Variants in FBN1 observed in about 807,000 individuals in gnomAD.
FBN1 encodes the protein fibrillin 1, also known as fibrillin-1.
FBN1 carries 29 observed loss-of-function variants against 365.1 expected under a neutral mutation model. The ratio of observed to expected loss-of-function variants is 0.08; its 90% confidence interval spans 0.06 to 0.11. The LOEUF is 0.11. FBN1 is among the 10% of genes least tolerant of loss of function. The pLI is 1.00. For synonymous variants in FBN1, 1,210 were observed against 1,270.5 expected, an observed-to-expected ratio of 0.95 and a Z score of 1.01; for missense variants, 2,476 against 3,703.2, an observed-to-expected ratio of 0.67 and a Z score of 8.60.
At chr15:48,631,056 C>T (rs941297773) in intron 2 of FBN1, among the ~76,000 whole-genome samples, 3 of 152,042 alleles carry the variant, frequency 2.0e-5, no homozygotes, top group Non-Finnish European at 4.4e-5. Flanking sequence ...AGGAACTCTA[C>T]GAAAGCTATG....
chr15:48,450,245 A>G (rs1352687436), intron 45 of FBN1, among the ~76,000 whole-genome samples: 1 of 152,150 alleles, frequency 6.6e-6, no homozygotes, highest in East Asian at 1.9e-4. Context: ...GTAGGACTGG[A>G]CCTGGAGGTA....
Position 48,436,543 on chromosome 15 carries a change from G to C in FBN1, c.6496+418C>G, listed in dbSNP as rs558219337. ...GTTACAAAAAAAAGATTGTGTACTG[G>C]TTATATAGCCTTTCATCTTACTAAA... On this transcript the variant is annotated intron_variant, in intron 53 of 65. Coordinates refer to ENST00000316623, the MANE Select transcript of FBN1 (RefSeq NM_000138.5). Among the ~76,000 whole-genome samples the C allele has an allele frequency of 1.4e-4, 21 of 152,248 alleles. No homozygotes were observed. In the South Asian group the frequency reaches 2.1e-3, roughly 15 times the overall value.
In FBN1 at chr15:48,481,656, T is replaced by G; in HGVS notation, c.3963A>C (p.Thr1321=). ...ATTGTTCTACTTGAACAAACACACCTGTACAGCCAGTTTTTCCTTTTTTGC... is the reference window on the plus strand; with the variant it reads ...ATTGTTCTACTTGAACAAACACACCGGTACAGCCAGTTTTTCCTTTTTTGC... ...YSGKKGKTGC[T]DINECEIGAH... The change falls in exon 32 of 66, where the codon ACA becomes ACC. Residue 1321 remains threonine (T), a splice_region_variant and synonymous_variant. Transcript: ENST00000316623. The G allele has an allele frequency of 1.9e-6, 3 of 1,613,734 alleles. No homozygotes were observed. The highest frequency in any genetic ancestry group is 2.5e-6 in the Non-Finnish European group (3 of 1,179,690).
chr15:48,592,623 C>T (rs1419707743), intron 6 of FBN1, among the ~76,000 whole-genome samples: 1 of 151,736 alleles, frequency 6.6e-6, no homozygotes, highest in East Asian at 1.9e-4. Flanking sequence ...GAGTAGGAGG[C>T]AACAAGAAAA....
Position 48,425,838 on chromosome 15 carries a change from C to G in FBN1, c.7231G>C (p.Asp2411His). The G allele has an allele frequency of 6.2e-7, 1 of 1,611,238 alleles. No homozygotes were observed. Among genetic ancestry groups the G allele is most frequent in the South Asian group, 1.1e-5 (1 of 91,004 alleles). ...ADIDECKVIH[D>H]VCRNGECVND... ...ACACATTCCCCATTTCGGCAAACAT[C>G]GTGAATAACCTTGCATTCATCGATA... The change falls in exon 59 of 66, where the codon GAT becomes CAT. Residue 2411 changes from aspartate (D) to histidine (H), a missense_variant. Transcript: ENST00000316623.
chr15:48,440,112 T>C (rs936026480), intron 50 of FBN1, among the ~76,000 whole-genome samples: 1 of 152,208 alleles, frequency 6.6e-6, no homozygotes, highest in Non-Finnish European at 1.5e-5. Flanking sequence ...AAGGGTGTCT[T>C]GCATTGGGGA....
chr15:48,533,060 T>G (rs1278304331), intron 8 of FBN1, among the ~76,000 whole-genome samples: 1 of 152,188 alleles, frequency 6.6e-6, no homozygotes, highest in African/African-American at 2.4e-5. Flanking sequence ...CACCTTAAAT[T>G]TAAAGCTGTC....
chr15:48,531,633 C>G (rs2043974040), intron 8 of FBN1, among the ~76,000 whole-genome samples: 1 of 152,106 alleles, frequency 6.6e-6, no homozygotes, highest in African/African-American at 2.4e-5. Flanking sequence ...CCTCTATTGG[C>G]CATCTAGACA....
intron 5 of FBN1, among the ~76,000 whole-genome samples, chr15:48,599,247 A>G (rs934615962): frequency 1.3e-5 from 2 of 152,200 alleles, no homozygotes; most frequent in Non-Finnish European, 2.9e-5. Flanking sequence ...AACGCCCTGA[A>G]TAACGCCCAC....
intron 53 of FBN1, among the ~76,000 whole-genome samples, chr15:48,436,750 C>T (rs1404913703): frequency 6.6e-6 from 1 of 152,140 alleles, no homozygotes; most frequent in Admixed American, 6.5e-5. Context: ...AGGAACTTGT[C>T]TTTGTGGTTC....
rs2043337721 is a variant in FBN1, at chr15:48,468,056, G to A, written c.4629C>T (p.Asp1543=). The change falls in exon 38 of 66, where the codon GAC becomes GAT. Residue 1543 remains aspartate (D), a synonymous_variant. Transcript: ENST00000316623. ...CATTGCTGCAGGCTGTATCTCCATT[G>A]TCTCCTCGAGGTCGAATATCCAAAT... ...NCYLDIRPRG[D]NGDTACSNEI... is the part of the protein sequence containing the mutation. The A allele has an allele frequency of 1.9e-6, 3 of 1,614,118 alleles. No individual in the cohort carries two copies. The highest frequency in any genetic ancestry group is 2.2e-5 in the East Asian group (1 of 44,866).
At chr15:48,537,933 C>T in intron 6 of FBN1, 125 bp from the exon 7 acceptor site, 1 of 966,506 alleles carries the variant, frequency 1.0e-6, no homozygotes, top group Non-Finnish European at 1.6e-6. Context: ...CAGAATCATG[C>T]ATCACTGTCC....
At chr15:48,499,074 G>T (rs748220146) in intron 17 of FBN1, 36 bp from the exon 18 acceptor site, 4 of 1,607,434 alleles carry the variant, frequency 2.5e-6, no homozygotes, top group Non-Finnish European at 3.4e-6. Context: ...TGATTCCCTT[G>T]TTTGCAGAAC....
rs1597620638 is a variant in FBN1 at position 48,589,970 on chromosome 15, T to C, written c.538+6313A>G. Among the ~76,000 whole-genome samples, 2 of 152,288 alleles carry C rather than the reference T, an allele frequency of 1.3e-5. 1 individual carries two copies. The highest frequency in any genetic ancestry group is 4.1e-4 in the South Asian group (2 of 4,826). On this transcript the variant is annotated intron_variant, in intron 6 of 65. Transcript: ENST00000316623. Reference sequence around the variant, plus strand: ...CCAAAAGAGAGGTTCATAGAGGCCTTCAGTGTAGTTTAGTAATGACAGTTT... The same window carrying C: ...CCAAAAGAGAGGTTCATAGAGGCCTCCAGTGTAGTTTAGTAATGACAGTTT...
chr15:48,625,288 C>A (rs1209191142), intron 2 of FBN1, among the ~76,000 whole-genome samples: 3 of 152,186 alleles, frequency 2.0e-5, no homozygotes, highest in Non-Finnish European at 4.4e-5. Flanking sequence ...CTATTGTGGG[C>A]TGGTCTGGGA....
intron 32 of FBN1, among the ~76,000 whole-genome samples, chr15:48,474,864 T>A (rs1045399013): frequency 6.6e-6 from 1 of 152,250 alleles, no homozygotes; most frequent in Non-Finnish European, 1.5e-5. Context: ...TATTGTTAAC[T>A]CTAATTATTT....
At chr15:48,485,333 A>T in intron 30 of FBN1, 41 bp downstream of exon 30, 1 of 1,614,094 alleles carries the variant, frequency 6.2e-7, no homozygotes, top group East Asian at 2.2e-5. Context: ...TTTACTTAGG[A>T]ACCTACTGAG....
intron 51 of FBN1, 104 bp downstream of exon 51, chr15:48,437,663 AT>A: frequency 1.7e-6 from 2 of 1,205,506 alleles, no homozygotes; most frequent in Middle Eastern, 2.6e-4. Context: ...TAGACTTACA[AT>A]TAAATTAAAT....
In FBN1 at chr15:48,520,835, C is replaced by T. The variant is rs759275834; in HGVS notation, c.989-18G>A. 14 of 1,613,956 alleles carry T rather than the reference C, an allele frequency of 8.7e-6. No homozygotes were observed. The highest frequency in any genetic ancestry group is 1.1e-5 in the Non-Finnish European group (13 of 1,179,994). ...GCGAACATCTGAGGACAAAGAAACA[C>T]ATACACACACACACATCGCTGAGAT... is the stretch of plus-strand genomic sequence containing the variant. On this transcript the variant is annotated intron_variant, in intron 9 of 65. Coordinates refer to ENST00000316623, the MANE Select transcript of FBN1 (RefSeq NM_000138.5).
Sources: gnomAD v4.1 joint callset for allele counts (sites outside exome capture counted in the v4.1 genomes callset) on GRCh38, gnomAD v4.1.1 for gene constraint, MANE v1.5 for transcripts, NCBI Gene and HGNC (gene_info 2026-07-23, HGNC 2026-07-21) for gene names.